The following ROBO2 variants were observed in gnomAD, a reference collection of about 807,000 sequenced individuals.
ROBO2 encodes the protein roundabout homolog 2.
In ROBO2, 53 loss-of-function variants were observed where a neutral mutation model predicts 160.8. The observed-to-expected ratio is 0.33, with a 90% CI of 0.26 to 0.41. The LOEUF is 0.41. ROBO2 is among the 10% of genes least tolerant of loss of function. ROBO2 has a pLI of 1.00. For synonymous variants in ROBO2, 664 were observed against 611.7 expected, an observed-to-expected ratio of 1.09 and a Z score of -1.26; for missense variants, 1,577 against 1,722.4, an observed-to-expected ratio of 0.92 and a Z score of 1.49.
intron 2 of ROBO2, among the ~76,000 whole-genome samples, chr3:77,435,837 T>C (rs552272782): frequency 6.6e-6 from 1 of 151,736 alleles, no homozygotes; most frequent in East Asian, 2.0e-4. Context: ...AAAGTATATC[T>C]GATAGTTGTT....
At chr3:76,308,618 T>C (rs2071432695) in intron 2 of ROBO2, among the ~76,000 whole-genome samples, 1 of 152,166 alleles carries the variant, frequency 6.6e-6, no homozygotes, top group Non-Finnish European at 1.5e-5. Flanking sequence ...TTCCTTCAGA[T>C]TGTACTCTTG....
chr3:77,607,852 A>C (rs770079221), exon 21 of ROBO2: 3 of 1,614,022 alleles, frequency 1.9e-6, no homozygotes, highest in Admixed American at 3.3e-5. Context: ...CCACAGAAAA[A>C]CAATGGATCC....
chr3:76,807,379 A>G (rs752718439), intron 2 of ROBO2, among the ~76,000 whole-genome samples: 17 of 152,166 alleles, frequency 1.1e-4, no homozygotes, highest in Non-Finnish European at 2.4e-4. Flanking sequence ...ATATCTCTTT[A>G]TAAATGCTTA....
chr3:76,220,270 A>G (rs1192658276), intron 2 of ROBO2, among the ~76,000 whole-genome samples: 3 of 151,872 alleles, frequency 2.0e-5, no homozygotes, highest in Admixed American at 6.6e-5. Context: ...TGGCACATGT[A>G]TACATATGTA....
chr3:77,245,324 C>T (rs1274136986), intron 2 of ROBO2, among the ~76,000 whole-genome samples: 3 of 152,146 alleles, frequency 2.0e-5, no homozygotes, highest in Non-Finnish European at 4.4e-5. Context: ...ATTGCTACAT[C>T]ATCTGTTCTA....
At chr3:76,330,549 A>G (rs1490362776) in intron 2 of ROBO2, among the ~76,000 whole-genome samples, 1 of 152,206 alleles carries the variant, frequency 6.6e-6, no homozygotes, top group African/African-American at 2.4e-5. Flanking sequence ...CATGTTTTAT[A>G]TGGACATTTT....
At chr3:76,142,624 T>C (rs1396992567) in intron 2 of ROBO2, among the ~76,000 whole-genome samples, 1 of 151,764 alleles carries the variant, frequency 6.6e-6, no homozygotes, top group African/African-American at 2.4e-5. Flanking sequence ...AAATTAAACT[T>C]ATGGACATAG....
intron 2 of ROBO2, among the ~76,000 whole-genome samples, chr3:77,302,910 G>A (rs1010982135): frequency 1.3e-5 from 2 of 152,046 alleles, no homozygotes; most frequent in Non-Finnish European, 2.9e-5. Flanking sequence ...GATAAAGTTG[G>A]CTTTAGGTTG....
intron 2 of ROBO2, among the ~76,000 whole-genome samples, chr3:76,722,266 G>T (rs1310316298): frequency 6.6e-6 from 1 of 152,004 alleles, no homozygotes; most frequent in Non-Finnish European, 1.5e-5. Context: ...GATTACAGGT[G>T]CCTGCCACCC....
intron 2 of ROBO2, among the ~76,000 whole-genome samples, chr3:77,307,650 A>G (rs2063203597): frequency 6.6e-6 from 1 of 152,198 alleles, no homozygotes. Context: ...TGGGAGGCTG[A>G]GGCTGGTGGA....
chr3:75,959,925 T>C (rs1183512099), intron 2 of ROBO2, among the ~76,000 whole-genome samples: 1 of 151,828 alleles, frequency 6.6e-6, no homozygotes, highest in East Asian at 1.9e-4. Context: ...TAAATATTTA[T>C]AAATGATACA....
At chr3:77,182,040 T>G (rs1417056878) in intron 2 of ROBO2, among the ~76,000 whole-genome samples, 1 of 152,126 alleles carries the variant, frequency 6.6e-6, no homozygotes, top group Non-Finnish European at 1.5e-5. Context: ...TTCTGATATT[T>G]TGTAGATGGT....
At chr3:76,956,488 C>T (rs2079269683) in intron 2 of ROBO2, among the ~76,000 whole-genome samples, 1 of 148,870 alleles carries the variant, frequency 6.7e-6, no homozygotes, top group Non-Finnish European at 1.5e-5. Flanking sequence ...ATCCAGGAGG[C>T]AGAGCTTGCA....
intron 2 of ROBO2, among the ~76,000 whole-genome samples, chr3:76,028,269 T>A (rs2066807803): frequency 6.6e-6 from 1 of 151,680 alleles, no homozygotes; most frequent in South Asian, 2.1e-4. Context: ...AGGATAATAA[T>A]ACATGAAGGT....
At chr3:76,207,380 T>C (rs1183017880) in intron 2 of ROBO2, among the ~76,000 whole-genome samples, 1 of 152,296 alleles carries the variant, frequency 6.6e-6, no homozygotes, top group South Asian at 2.1e-4. Flanking sequence ...CTTGGAAGTA[T>C]ACGAAGTGTT....
intron 2 of ROBO2, among the ~76,000 whole-genome samples, chr3:76,263,043 G>T (rs1706865617): frequency 6.6e-6 from 1 of 152,110 alleles, no homozygotes; most frequent in African/African-American, 2.4e-5. Flanking sequence ...AGATAGGATT[G>T]ATAGACCCAA....
rs549130654 is a variant in ROBO2, at chr3:76,588,606, G to A, written c.110-509408G>A. 5.9e-5 allele frequency among the ~76,000 whole-genome samples: 9 copies of A among 152,224 alleles called. No individual in the cohort carries two copies. The South Asian group carries it at 1.9e-3, about 32-fold the overall frequency. On this transcript the variant is annotated intron_variant, in intron 2 of 26. Coordinates refer to the ROBO2 transcript ENST00000487694. The stretch of plus-strand genomic sequence containing the variant: ...CTTTAAGAAGCATATATTGGAAAAC[G>A]TTACAAATAGTGTTATTTAATATAA...
rs114283066 is a variant in ROBO2, at chr3:77,432,600, T to A, written c.389-44814T>A. On this transcript the variant is annotated intron_variant, in intron 2 of 25. Transcript: ENST00000461745. ...ATTGGTGCACAGCTGTGCTTATTTA[T>A]TAGCATATTGTCTATGGCTGCTTTG... Among the ~76,000 whole-genome samples, 732 of 152,294 alleles carry A rather than the reference T, an allele frequency of 4.8e-3. 5 individuals are homozygous for A. The highest frequency in any genetic ancestry group is 0.026 in the East Asian group (133 of 5,174).
intron 2 of ROBO2, among the ~76,000 whole-genome samples, chr3:77,271,494 C>G (rs1054333173): frequency 6.6e-6 from 1 of 152,142 alleles, no homozygotes; most frequent in Non-Finnish European, 1.5e-5. Flanking sequence ...GAAGTAACAG[C>G]TGAAGGATTA....
Sources: gnomAD v4.1 joint callset for allele counts (sites outside exome capture counted in the v4.1 genomes callset) on GRCh38, gnomAD v4.1.1 for gene constraint, MANE v1.5 for transcripts, NCBI Gene and HGNC (gene_info 2026-07-23, HGNC 2026-07-21) for gene names.